The following MYO3A variants were observed in gnomAD, a reference collection of about 807,000 sequenced individuals.
MYO3A encodes the protein myosin-IIIa.
In MYO3A, 180 loss-of-function variants were observed where a neutral mutation model predicts 192.7. The ratio of observed to expected loss-of-function variants is 0.93; its 90% CI spans 0.83 to 1.06. MYO3A has a LOEUF of 1.06. Ranked by LOEUF, MYO3A falls within the 50% of genes least tolerant of loss-of-function variation. The pLI, the probability that MYO3A is intolerant of heterozygous loss-of-function variation, is 0.00. For synonymous variants in MYO3A, 628 were observed against 645.3 expected (o/e 0.97, Z 0.41); for missense variants, 1,896 against 1,905.0 (o/e 1.00, Z 0.09).
At chr10:26,013,083 T>G (rs980688352) in intron 6 of MYO3A, among the ~76,000 whole-genome samples, 1 of 152,126 alleles carries the variant, frequency 6.6e-6, no homozygotes, top group African/African-American at 2.4e-5. Flanking sequence ...TGTAGAAGAA[T>G]GAAACTGGAA....
chr10:26,137,380 C>A (rs1007667917), intron 20 of MYO3A, among the ~76,000 whole-genome samples: 3 of 152,132 alleles, frequency 2.0e-5, no homozygotes, highest in African/African-American at 7.2e-5. Context: ...TTACTAGTTC[C>A]CAAATAACAC....
At chr10:25,964,309 A>G (rs1838129006) in intron 4 of MYO3A, among the ~76,000 whole-genome samples, 1 of 152,188 alleles carries the variant, frequency 6.6e-6, no homozygotes, top group South Asian at 2.1e-4. Flanking sequence ...ACACACTACA[A>G]AAGCACACAT....
intron 4 of MYO3A, among the ~76,000 whole-genome samples, chr10:25,978,995 C>A (rs1228515506): frequency 6.6e-6 from 1 of 151,990 alleles, no homozygotes. Flanking sequence ...AATTTTTTTC[C>A]ACATTGTTTG....
intron 14 of MYO3A, among the ~76,000 whole-genome samples, chr10:26,080,223 T>G (rs961308888): frequency 9.2e-5 from 14 of 152,178 alleles, no homozygotes; most frequent in Admixed American, 3.9e-4. Flanking sequence ...TCATATTTTC[T>G]TATTCTTTTT....
At chr10:25,979,081 A>T (rs537358153) in intron 4 of MYO3A, among the ~76,000 whole-genome samples, 2 of 152,334 alleles carry the variant, frequency 1.3e-5, no homozygotes, top group South Asian at 4.1e-4. Flanking sequence ...CTTTCACCTC[A>T]CATTCTAGTG....
chr10:25,961,909 G>A (rs1837953108), intron 4 of MYO3A, among the ~76,000 whole-genome samples: 2 of 152,136 alleles, frequency 1.3e-5, no homozygotes, highest in African/African-American at 4.8e-5. Context: ...TACCAAAAGA[G>A]GGGCAGTGGC....
intron 10 of MYO3A, among the ~76,000 whole-genome samples, chr10:26,045,492 T>C (rs933011428): frequency 1.3e-5 from 2 of 152,194 alleles, no homozygotes; most frequent in African/African-American, 4.8e-5. Context: ...TCCTTGTATT[T>C]CCTGAGTGAC....
intron 31 of MYO3A, among the ~76,000 whole-genome samples, chr10:26,177,156 G>T (rs555138753): frequency 6.6e-6 from 1 of 152,176 alleles, no homozygotes; most frequent in African/African-American, 2.4e-5. Context: ...AGGCAGATTT[G>T]ATAAGAGAGC....
At chr10:25,981,629 A>G (rs1044333379) in intron 4 of MYO3A, among the ~76,000 whole-genome samples, 1 of 152,236 alleles carries the variant, frequency 6.6e-6, no homozygotes, top group African/African-American at 2.4e-5. Flanking sequence ...AAAAAATTGG[A>G]TGTTTCACCA....
Position 26,176,778 on chromosome 10 carries a change from A to G in MYO3A, c.4371A>G (p.Ser1457=). The change falls in exon 31 of 35, where the codon TCA becomes TCG. Residue 1457 remains serine, a synonymous_variant. Coordinates refer to ENST00000642920, the MANE Select transcript of MYO3A (RefSeq NM_017433.5). Reference sequence around the variant, plus strand: ...TGATTTTGTCACAGCAACTGAAGTCACTTTATCTGGGTGTCTCGCACCATA... The same window carrying G: ...TGATTTTGTCACAGCAACTGAAGTCGCTTTATCTGGGTGTCTCGCACCATA... ...NEMILSQQLK[S]LYLGVSHHKP... is the part of the protein sequence containing the mutation. The G allele has an allele frequency of 6.2e-7, 1 of 1,613,830 alleles. No homozygotes were observed. Among genetic ancestry groups the G allele is most frequent in the Non-Finnish European group, 8.5e-7 (1 of 1,179,700 alleles).
At chr10:26,203,258 A>G in intron 34 of MYO3A, 151 bp downstream of exon 34, 1 of 930,072 alleles carries the variant, frequency 1.1e-6, no homozygotes, top group South Asian at 1.5e-5. Flanking sequence ...AAGTAATGTC[A>G]TGTACAGTGT....
At chr10:25,979,651 GTAC>G (rs1295145697) in intron 4 of MYO3A, among the ~76,000 whole-genome samples, 3 of 152,060 alleles carry the variant, frequency 2.0e-5, no homozygotes, top group Admixed American at 1.3e-4. Context: ...AAATTCTATA[GTAC>G]TTTGCACATA....
Position 26,159,348 on chromosome 10 carries a change from C to CTT in MYO3A, c.2999+1840_2999+1841dup, listed in dbSNP as rs890431952. 1.5e-4 allele frequency among the ~76,000 whole-genome samples: 21 copies of CTT among 141,366 alleles called. No individual in the cohort carries two copies. In the East Asian group the frequency reaches 4.0e-3, roughly 27 times the overall value. The allele number at this position is 141,366 out of a possible 152,430, so 92.7% of individuals were successfully genotyped here. A position where few individuals can be genotyped will look rare whatever the true frequency, so the allele number is the denominator to read the frequency against. ...TGTGGTAGTTCTTGATTTAGTTTTT[C>CTT]TTTTTTTTCTTTTTCTTTTTTTTTT... On this transcript the variant is annotated intron_variant, in intron 26 of 34. Coordinates refer to ENST00000642920, the MANE Select transcript of MYO3A (RefSeq NM_017433.5).
chr10:25,937,511 T>A (rs1196118045), intron 2 of MYO3A, among the ~76,000 whole-genome samples: 1 of 152,236 alleles, frequency 6.6e-6, no homozygotes, highest in Non-Finnish European at 1.5e-5. Context: ...TCTGAGAATT[T>A]GTTCAGACAT....
At chr10:26,184,024 C>G (rs1315704483) in intron 31 of MYO3A, among the ~76,000 whole-genome samples, 3 of 152,136 alleles carry the variant, frequency 2.0e-5, no homozygotes, top group Admixed American at 1.3e-4. Flanking sequence ...TCGAGACCAG[C>G]CTGGGCAACA....
chr10:26,167,735 G>A (rs113837898), intron 27 of MYO3A, among the ~76,000 whole-genome samples: 1,632 of 152,266 alleles, frequency 0.011, 31 homozygotes, highest in African/African-American at 0.038. Context: ...AACATCTAGA[G>A]TCCTGTAGAA....
chr10:26,088,217 C>T lies in MYO3A; in HGVS notation c.1374C>T (p.Thr458=), dbSNP rs1438953550. The change falls in exon 15 of 35, where the codon ACC becomes ACT. Residue 458 remains threonine, a synonymous_variant. Transcript: ENST00000642920. ...TTTCTATTTAGGCTAATAACAGAACCTTGCAAGAGAAGATTTTACAAGTGA... is the reference window on the plus strand; with the variant it reads ...TTTCTATTTAGGCTAATAACAGAACTTTGCAAGAGAAGATTTTACAAGTGA... ...LTVLGKANNR[T]LQEKILQVNN... 2 of 1,609,376 alleles carry T rather than the reference C, an allele frequency of 1.2e-6. No homozygotes were observed. Among genetic ancestry groups the T allele is most frequent in the South Asian group, 2.2e-5 (2 of 90,262 alleles).
chr10:26,103,291 G>A (rs1837590383), intron 17 of MYO3A, among the ~76,000 whole-genome samples: 1 of 152,184 alleles, frequency 6.6e-6, no homozygotes, highest in African/African-American at 2.4e-5. Flanking sequence ...ATCTGTCACG[G>A]CTTCCCTTGG....
rs1327753998 is a variant in MYO3A, at chr10:26,211,836, C to T, written c.4731-7C>T. 6.2e-7 allele frequency: 1 copy of T among 1,614,056 alleles called. No homozygotes were observed. ...GTTGACACTTGGGCCCTGGGTTTCA[C>T]TTGCAGGTGCTGGGCGGCGGAGAGC... On this transcript the variant is annotated splice_region_variant and splice_polypyrimidine_tract_variant and intron_variant, in intron 34 of 34. Transcript: ENST00000642920.
Sources: gnomAD v4.1 joint callset for allele counts (sites outside exome capture counted in the v4.1 genomes callset) on GRCh38, gnomAD v4.1.1 for gene constraint, MANE v1.5 for transcripts, NCBI Gene and HGNC (gene_info 2026-07-23, HGNC 2026-07-21) for gene names.